HECW1: variants seen among roughly 807,000 people sequenced by gnomAD.
HECW1 encodes E3 ubiquitin-protein ligase HECW1.
HECW1 carries 61 observed loss-of-function variants against 182.3 expected under a neutral mutation model. The ratio of observed to expected loss-of-function variants is 0.33; its 90% confidence interval spans 0.27 to 0.41. HECW1 has a LOEUF of 0.41. Among genes scored for constraint, HECW1 ranks in the 10% least tolerant of loss-of-function variants. The pLI is 1.00. For synonymous variants in HECW1, 859 were observed against 832.6 expected (o/e 1.03, Z -0.55); for missense variants, 1,739 against 2,108.9 (o/e 0.82, Z 3.44).
At chr7:43,211,108 T>C (rs1196119629) in intron 2 of HECW1, among the ~76,000 whole-genome samples, 1 of 152,182 alleles carries the variant, frequency 6.6e-6, no homozygotes, top group African/African-American at 2.4e-5. Context: ...AGCATTTTAG[T>C]GAGCTCTCTC....
At chr7:43,503,319 G>C (rs932864356) in intron 21 of HECW1, among the ~76,000 whole-genome samples, 10 of 152,182 alleles carry the variant, frequency 6.6e-5, no homozygotes, top group Admixed American at 3.3e-4. Context: ...GGTTTGGGGG[G>C]AAAAGTTTGG....
At chr7:43,546,219 CTT>C (rs34255651) in intron 26 of HECW1, among the ~76,000 whole-genome samples, 1,639 of 91,818 alleles carry the variant, frequency 0.018, 8 homozygotes, top group African/African-American at 0.065. Flanking sequence ...TACCCCCAAC[CTT>C]TTTTTTTTTT....
intron 2 of HECW1, chr7:43,118,397 T>C (rs1287797860): frequency 2.6e-5 from 4 of 152,608 alleles, no homozygotes; most frequent in Non-Finnish European, 5.9e-5. Context: ...GCCCTACACA[T>C]TGTTAAAATT....
At position 43,508,957 on chromosome 7, in the gene HECW1, C is replaced by T; in HGVS notation, c.3867-12C>T. The T allele has an allele frequency of 6.2e-7, 1 of 1,612,594 alleles. No homozygotes were observed. Among genetic ancestry groups the T allele is most frequent in the South Asian group, 1.1e-5 (1 of 90,896 alleles). On this transcript the variant is annotated splice_polypyrimidine_tract_variant and intron_variant, in intron 23 of 29. Coordinates refer to ENST00000395891, the MANE Select transcript of HECW1 (RefSeq NM_015052.5). ...ACAGAATGAGCTTCCTGGACCTCTG[C>T]TTTCTTTGCAGCCTGGACTACAGTG...
At chr7:43,512,477 A>T (rs1370530727) in intron 24 of HECW1, among the ~76,000 whole-genome samples, 5 of 152,248 alleles carry the variant, frequency 3.3e-5, no homozygotes, top group Admixed American at 6.5e-5. Context: ...TGAAATTGGT[A>T]TTCATATTTT....
Position 43,375,911 on chromosome 7 carries a change from A to T in HECW1, c.555+14931A>T, listed in dbSNP as rs183272509. 4.3e-3 allele frequency among the ~76,000 whole-genome samples: 650 copies of T among 150,510 alleles called. 4 individuals are homozygous for T. Among genetic ancestry groups the T allele is most frequent in the African/African-American group, 0.015 (622 of 41,044 alleles). ...TTCTCAAAAAAAAAAAAAAAAAGGA[A>T]AAAAAGCTCTTTAAAAATCAAGACT... On this transcript the variant is annotated intron_variant, in intron 6 of 29. Transcript: ENST00000395891.
chr7:43,159,114 TTTA>T (rs1490938463), intron 2 of HECW1, among the ~76,000 whole-genome samples: 1 of 144,694 alleles, frequency 6.9e-6, no homozygotes. Flanking sequence ...AGTTTATTTA[TTTA>T]TTTATTTATT....
chr7:43,462,509 A>G (rs2077621911), intron 13 of HECW1, among the ~76,000 whole-genome samples: 3 of 151,978 alleles, frequency 2.0e-5, no homozygotes, highest in African/African-American at 7.2e-5. Flanking sequence ...AAAAAGAGAA[A>G]AGAAAAAAGA....
intron 2 of HECW1, among the ~76,000 whole-genome samples, chr7:43,221,353 G>A (rs1796926712): frequency 1.3e-5 from 2 of 151,642 alleles, no homozygotes; most frequent in African/African-American, 4.9e-5. Flanking sequence ...ATCTCTTTAG[G>A]CCAAGGATGA....
chr7:43,121,398 C>A (rs1453690604), intron 2 of HECW1, among the ~76,000 whole-genome samples: 2 of 152,150 alleles, frequency 1.3e-5, no homozygotes, highest in East Asian at 3.9e-4. Flanking sequence ...CCTAGGCTGG[C>A]ATCGTCGGGC....
At chr7:43,291,630 C>T (rs10254921) in intron 3 of HECW1, among the ~76,000 whole-genome samples, 32,115 of 152,172 alleles carry the variant, frequency 0.21, 5,369 homozygotes, top group African/African-American at 0.45. Context: ...CTAACACTTA[C>T]GATTTATTCT....
chr7:43,435,281 A>G (rs1468063938), intron 8 of HECW1, among the ~76,000 whole-genome samples: 2 of 152,166 alleles, frequency 1.3e-5, no homozygotes, highest in African/African-American at 4.8e-5. Context: ...TGGACCAAAG[A>G]TATAGAAGTT....
At chr7:43,280,644 T>A (rs1156587030) in intron 3 of HECW1, among the ~76,000 whole-genome samples, 1 of 152,126 alleles carries the variant, frequency 6.6e-6, no homozygotes, top group Non-Finnish European at 1.5e-5. Flanking sequence ...CTCGTGATAA[T>A]CCCAGTACAA....
At chr7:43,534,939 T>A (rs901994593) in intron 24 of HECW1, among the ~76,000 whole-genome samples, 4 of 152,198 alleles carry the variant, frequency 2.6e-5, no homozygotes, top group African/African-American at 9.6e-5. Context: ...GACTCTCAGG[T>A]GGACTGACCT....
At chr7:43,339,158 C>T (rs1812652289) in intron 5 of HECW1, among the ~76,000 whole-genome samples, 1 of 152,146 alleles carries the variant, frequency 6.6e-6, no homozygotes, top group South Asian at 2.1e-4. Context: ...TTGTTTTTAT[C>T]CTACGGCTTA....
chr7:43,143,160 G>C (rs1193713199), intron 2 of HECW1, among the ~76,000 whole-genome samples: 5 of 152,114 alleles, frequency 3.3e-5, no homozygotes, highest in Non-Finnish European at 7.4e-5. Context: ...TAGTAGAGAC[G>C]GGGTTTTACC....
At chr7:43,466,684 C>T in intron 15 of HECW1, 116 bp downstream of exon 15, 1 of 1,190,206 alleles carries the variant, frequency 8.4e-7, no homozygotes, top group Non-Finnish European at 1.2e-6. Flanking sequence ...CAAGAAAAAA[C>T]AAAGAAAACA....
chr7:43,274,306 C>T (rs1584279313), intron 3 of HECW1: 2 of 1,041,226 alleles, frequency 1.9e-6, no homozygotes, highest in Non-Finnish European at 2.7e-6. Context: ...CTTTGTATCT[C>T]AGTTAAAGAA....
At chr7:43,223,348 T>G (rs1346187776) in intron 2 of HECW1, among the ~76,000 whole-genome samples, 1 of 152,220 alleles carries the variant, frequency 6.6e-6, no homozygotes, top group Non-Finnish European at 1.5e-5. Flanking sequence ...CCAGGCGCCA[T>G]GGCTCACGCC....
Sources: allele counts gnomAD v4.1 joint callset (sites outside exome capture counted in the v4.1 genomes callset), GRCh38; gene constraint gnomAD v4.1.1; transcripts MANE v1.5; gene names NCBI Gene and HGNC (gene_info 2026-07-23, HGNC 2026-07-21).